Variants in CSTPP1 observed in about 807,000 individuals in gnomAD.
CSTPP1 encodes UPF0705 protein C11orf49.
chr11:47,086,942 G>T, the CSTPP1 span, among the ~76,000 whole-genome samples: 2 of 152,130 alleles, frequency 1.3e-5, no homozygotes, highest in African/African-American at 4.8e-5. Flanking sequence ...GCTATATTTA[G>T]TATAGCTATA....
the CSTPP1 span, among the ~76,000 whole-genome samples, chr11:46,984,233 G>A: frequency 1.3e-5 from 2 of 152,214 alleles, no homozygotes; most frequent in South Asian, 2.1e-4. Context: ...ATGGGTTCTT[G>A]TATCAGGTAA....
the CSTPP1 span, among the ~76,000 whole-genome samples, chr11:47,133,926 A>G: frequency 3.9e-5 from 6 of 152,286 alleles, no homozygotes; most frequent in South Asian, 1.2e-3. Flanking sequence ...TGCCTCCCCA[A>G]GACCAAGTGC....
At chr11:47,138,800 A>C in the CSTPP1 span, among the ~76,000 whole-genome samples, 3 of 152,076 alleles carry the variant, frequency 2.0e-5, no homozygotes, top group Admixed American at 6.6e-5. Flanking sequence ...CTACATGGCG[A>C]AACTCCATCT....
At chr11:47,016,406 A>G in the CSTPP1 span, among the ~76,000 whole-genome samples, 1 of 150,394 alleles carries the variant, frequency 6.6e-6, no homozygotes, top group Non-Finnish European at 1.5e-5. Context: ...ACAAAAAACA[A>G]AAAACAAAAA....
At chr11:46,943,555 AT>A in the CSTPP1 span, among the ~76,000 whole-genome samples, 3 of 152,220 alleles carry the variant, frequency 2.0e-5, no homozygotes, top group Admixed American at 2.0e-4. Flanking sequence ...GAATGGTAAA[AT>A]TTCCAATTTC....
At chr11:47,118,078 C>T in the CSTPP1 span, among the ~76,000 whole-genome samples, 1 of 151,946 alleles carries the variant, frequency 6.6e-6, no homozygotes, top group Non-Finnish European at 1.5e-5. Context: ...CGGGGTTTCA[C>T]CATGTTGGTC....
the CSTPP1 span, chr11:46,936,752 A>C: frequency 6.2e-7 from 1 of 1,603,760 alleles, no homozygotes. Context: ...AGAGACGGCA[A>C]CCTGGGTTCC....
chr11:47,155,327 C>A, the CSTPP1 span: 2 of 1,376,206 alleles, frequency 1.5e-6, no homozygotes, highest in Non-Finnish European at 2.1e-6. Context: ...CCCTGCTGCC[C>A]TGCCCATCTG....
the CSTPP1 span, among the ~76,000 whole-genome samples, chr11:47,118,832 G>A: frequency 1.3e-4 from 20 of 152,282 alleles, no homozygotes; most frequent in Middle Eastern, 6.8e-3. Context: ...TGGAAGCTTC[G>A]TCCCAGAGGG....
At chr11:47,119,364 G>T in the CSTPP1 span, among the ~76,000 whole-genome samples, 18 of 152,248 alleles carry the variant, frequency 1.2e-4, no homozygotes, top group African/African-American at 4.3e-4. Context: ...AGTCTGTCAC[G>T]GCTCCCCTTG....
At chr11:47,141,625 A>T in the CSTPP1 span, among the ~76,000 whole-genome samples, 1 of 149,152 alleles carries the variant, frequency 6.7e-6, no homozygotes, top group African/African-American at 2.5e-5. Context: ...AAAAAAATCA[A>T]ATAAGTAGAA....
chr11:47,026,021 G>A, the CSTPP1 span, among the ~76,000 whole-genome samples: 9 of 152,182 alleles, frequency 5.9e-5, no homozygotes, highest in Non-Finnish European at 1.2e-4. Context: ...GCAGATGACT[G>A]AGGGAGGCCT....
chr11:47,087,155 T>C, the CSTPP1 span, among the ~76,000 whole-genome samples: 1 of 152,194 alleles, frequency 6.6e-6, no homozygotes, highest in Non-Finnish European at 1.5e-5. Context: ...TTAGCCAAGC[T>C]TTTTTAAAAA....
At chr11:46,964,667 A>G in the CSTPP1 span, among the ~76,000 whole-genome samples, 1 of 152,172 alleles carries the variant, frequency 6.6e-6, no homozygotes, top group African/African-American at 2.4e-5. Context: ...TTTTGGTTTC[A>G]GGATCTCTTT....
the CSTPP1 span, among the ~76,000 whole-genome samples, chr11:47,027,547 G>A: frequency 1.2e-4 from 18 of 152,194 alleles, no homozygotes; most frequent in Non-Finnish European, 2.5e-4. Flanking sequence ...TAACAGAAAA[G>A]CACTTGGTGA....
the CSTPP1 span, among the ~76,000 whole-genome samples, chr11:46,967,351 C>CTTGAAAATGAA: frequency 6.6e-6 from 1 of 152,126 alleles, no homozygotes; most frequent in Non-Finnish European, 1.5e-5. Flanking sequence ...GCCTTGCCAC[C>CTTGAAAATGAA]TTGTTGAAAA....
chr11:46,991,940 C>T, the CSTPP1 span, among the ~76,000 whole-genome samples: 4 of 152,066 alleles, frequency 2.6e-5, no homozygotes, highest in Non-Finnish European at 5.9e-5. Context: ...GGGGTTTCAC[C>T]GTGTTAGCCA....
the CSTPP1 span, among the ~76,000 whole-genome samples, chr11:47,149,225 T>C: frequency 1.3e-5 from 2 of 152,232 alleles, no homozygotes; most frequent in African/African-American, 2.4e-5. Flanking sequence ...CCCGGAGGCA[T>C]GGTCCGCAAG....
At chr11:47,133,296 A>G in the CSTPP1 span, among the ~76,000 whole-genome samples, 11 of 152,232 alleles carry the variant, frequency 7.2e-5, no homozygotes, top group Admixed American at 7.2e-4. Flanking sequence ...CACCCACAAA[A>G]GGAGACACAC....
Sources: allele counts gnomAD v4.1 joint callset (sites outside exome capture counted in the v4.1 genomes callset), GRCh38; gene constraint gnomAD v4.1.1; transcripts MANE v1.5; gene names NCBI Gene and HGNC (gene_info 2026-07-23, HGNC 2026-07-21).